WDR27: variants seen among roughly 807,000 people sequenced by gnomAD.
WDR27 encodes the protein WD repeat-containing protein 27.
WDR27 carries 100 observed loss-of-function variants against 114.4 expected under a neutral mutation model. The ratio of observed to expected loss-of-function variants is 0.87; its 90% confidence interval spans 0.74 to 1.03. The LOEUF is 1.03. Ranked by LOEUF, WDR27 falls within the 50% of genes least tolerant of loss-of-function variation. The pLI is 0.00. For missense variants in WDR27, 1,129 were observed against 1,092.9 expected (o/e 1.03, Z -0.47); for synonymous variants, 449 against 423.1 (o/e 1.06, Z -0.75).
intron 25 of WDR27, among the ~76,000 whole-genome samples, chr6:169,473,575 C>G (rs1243732425): frequency 6.6e-6 from 1 of 151,828 alleles, no homozygotes; most frequent in Non-Finnish European, 1.5e-5. Flanking sequence ...ATGACTAACT[C>G]AATGGCAAGG....
At chr6:169,455,110 G>A (rs577256088), downstream of WDR27, among the ~76,000 whole-genome samples, 5 of 152,340 alleles carry the variant, frequency 3.3e-5, no homozygotes, top group East Asian at 1.9e-4. Context: ...TCTGTCCTGC[G>A]TGAGGTGCAG....
intron 25 of WDR27, among the ~76,000 whole-genome samples, chr6:169,564,153 C>A (rs2006292): frequency 6.6e-6 from 1 of 152,076 alleles, no homozygotes; most frequent in Non-Finnish European, 1.5e-5. Context: ...TAGTGTAAGT[C>A]CAAGGTCCAA....
chr6:169,454,223 A>G (rs1371955438), downstream of WDR27, among the ~76,000 whole-genome samples: 1 of 152,174 alleles, frequency 6.6e-6, no homozygotes, highest in East Asian at 1.9e-4. Context: ...TGTGAGCTAT[A>G]TGAAATTGCT....
chr6:169,573,276 A>T (rs1801745195), intron 24 of WDR27, among the ~76,000 whole-genome samples: 1 of 152,248 alleles, frequency 6.6e-6, no homozygotes, highest in Non-Finnish European at 1.5e-5. Context: ...TCTTATGATA[A>T]ATCCTGCACA....
chr6:169,582,926 C>A lies in WDR27; in HGVS notation c.2433G>T (p.Val811=). ...ACGAEDRHAY[V]YEMGSSTFSH... is the part of the protein sequence containing the mutation. ...AAAACGTGCTTGAGCCCATTTCATA[C>A]ACGTAAGCCTACAAGACAAGATGAG... The change falls in exon 24 of 26, where the codon GTG becomes GTT. Residue 811 remains valine, a synonymous_variant. Coordinates refer to ENST00000448612, the MANE Select transcript of WDR27 (RefSeq NM_182552.5). 1.2e-6 allele frequency: 2 copies of A among 1,613,828 alleles called. No homozygotes were observed. The highest frequency in any genetic ancestry group is 1.7e-6 in the Non-Finnish European group (2 of 1,179,846).
intron 25 of WDR27, among the ~76,000 whole-genome samples, chr6:169,477,108 T>A (rs2115360331): frequency 6.6e-6 from 1 of 152,370 alleles, no homozygotes; most frequent in East Asian, 1.9e-4. Flanking sequence ...TAAGAAAGTA[T>A]CTTCTCCTTA....
Position 169,662,875 on chromosome 6 carries a change from C to A in WDR27, c.905-451G>T, listed in dbSNP as rs113643016. ...CGTGTGCACCGCGGAGTACTCAGATCACGTGTCAAGGAAAGCACTAAGGTA... is the reference window on the plus strand; with the variant it reads ...CGTGTGCACCGCGGAGTACTCAGATAACGTGTCAAGGAAAGCACTAAGGTA... On this transcript the variant is annotated intron_variant, in intron 8 of 25. Transcript: ENST00000448612. Among the ~76,000 whole-genome samples the A allele has an allele frequency of 3.4e-3, 445 of 131,838 alleles. 7 individuals carry two copies. The highest frequency in any genetic ancestry group is 0.012 in the African/African-American group (388 of 31,720). The allele number at this position is 131,838 out of a possible 152,430, so 86.5% of individuals were successfully genotyped here.
chr6:169,577,448 G>GGGAGATGGTTCTGGATGTCCCAGGT lies in WDR27; in HGVS notation c.2524-4933_2524-4909dup, dbSNP rs540276498. ...TGGCTGCGTCGGGGGCCTGGAGACGGGGAGATGGTTCTGGATGTCCCAGGT... is the reference window on the plus strand; with the variant it reads ...TGGCTGCGTCGGGGGCCTGGAGACGGGGAGATGGTTCTGGATGTCCCAGGTGGAGATGGTTCTGGATGTCCCAGGT... On this transcript the variant is annotated intron_variant, in intron 24 of 25. Transcript: ENST00000448612. Among the ~76,000 whole-genome samples, 1,079 of 152,326 alleles carry GGGAGATGGTTCTGGATGTCCCAGGT rather than the reference G, an allele frequency of 7.1e-3. 12 individuals carry two copies. Among genetic ancestry groups the GGGAGATGGTTCTGGATGTCCCAGGT allele is most frequent in the South Asian group, 0.012 (57 of 4,824 alleles).
chr6:169,653,804 T>A (rs760877874), intron 13 of WDR27, among the ~76,000 whole-genome samples: 6 of 152,132 alleles, frequency 3.9e-5, no homozygotes, highest in Non-Finnish European at 8.8e-5. Flanking sequence ...AGGCTGAGGA[T>A]TTGTGTGGCC....
intron 25 of WDR27, among the ~76,000 whole-genome samples, chr6:169,543,986 C>A (rs1797128654): frequency 6.6e-6 from 1 of 152,132 alleles, no homozygotes; most frequent in Non-Finnish European, 1.5e-5. Context: ...CAGTTGACCA[C>A]ATCAACAAGC....
chr6:169,446,375 C>T, the WDR27 span, among the ~76,000 whole-genome samples: 7 of 151,432 alleles, frequency 4.6e-5, no homozygotes, highest in South Asian at 2.1e-4. Flanking sequence ...GGGCAGGGGC[C>T]GGGCACAAGG....
At chr6:169,641,870 C>T (rs747966778) in intron 17 of WDR27, among the ~76,000 whole-genome samples, 1 of 152,268 alleles carries the variant, frequency 6.6e-6, no homozygotes, top group African/African-American at 2.4e-5. Flanking sequence ...TCCCGCGCAG[C>T]GCGCTCAGAA....
At chr6:169,440,008 A>T in the WDR27 span, among the ~76,000 whole-genome samples, 1 of 151,922 alleles carries the variant, frequency 6.6e-6, no homozygotes, top group Non-Finnish European at 1.5e-5. Flanking sequence ...ATACATACTG[A>T]AGATAAAATC....
At chr6:169,481,326 C>T (rs1264877097) in intron 25 of WDR27, among the ~76,000 whole-genome samples, 2 of 152,164 alleles carry the variant, frequency 1.3e-5, no homozygotes. Context: ...TAAAACAGAC[C>T]AATCAGCGCT....
intron 25 of WDR27, among the ~76,000 whole-genome samples, chr6:169,523,894 T>C (rs1794673979): frequency 6.6e-6 from 1 of 152,092 alleles, no homozygotes; most frequent in African/African-American, 2.4e-5. Context: ...AACAAGAATC[T>C]CTACTTTTAC....
the WDR27 span, among the ~76,000 whole-genome samples, chr6:169,438,504 T>C: frequency 1.3e-5 from 2 of 152,322 alleles, no homozygotes; most frequent in South Asian, 4.1e-4. Flanking sequence ...CCCAAAGTGC[T>C]GGGATTACAG....
rs759222556 is a variant in WDR27, at chr6:169,613,715, T to C, written c.2224-59A>G. ...TCAAAGGTTGAGTTAATAAGCGTTA[T>C]GCTAATGATATCTCATAATAGCTGA... is the stretch of plus-strand genomic sequence containing the variant. On this transcript the variant is annotated intron_variant, in intron 21 of 25. Coordinates refer to ENST00000448612, the MANE Select transcript of WDR27 (RefSeq NM_182552.5). 107 of 1,413,666 alleles carry C rather than the reference T, an allele frequency of 7.6e-5. 1 individual carries two copies. The highest frequency in any genetic ancestry group is 9.8e-5 in the Non-Finnish European group (99 of 1,009,768). 87.6% of individuals were successfully genotyped at this position (1,413,666 alleles called of 1,614,324 possible).
At chr6:169,608,644 G>A (rs1193715033) in intron 22 of WDR27, among the ~76,000 whole-genome samples, 1 of 152,174 alleles carries the variant, frequency 6.6e-6, no homozygotes, top group Non-Finnish European at 1.5e-5. Context: ...CACAACACAT[G>A]GGAATTATGG....
chr6:169,638,143 C>T (rs1215823212), intron 18 of WDR27, among the ~76,000 whole-genome samples: 1 of 93,662 alleles, frequency 1.1e-5, no homozygotes, highest in Non-Finnish European at 2.1e-5. Context: ...GGTGAAACCC[C>T]GTCTCTACTA....
Sources: allele counts gnomAD v4.1 joint callset (sites outside exome capture counted in the v4.1 genomes callset), GRCh38; gene constraint gnomAD v4.1.1; transcripts MANE v1.5; gene names NCBI Gene and HGNC (gene_info 2026-07-23, HGNC 2026-07-21).